Variants in NDUFS4 observed in about 807,000 individuals in gnomAD.
NDUFS4 encodes NADH:ubiquinone oxidoreductase subunit S4, also known as NADH dehydrogenase [ubiquinone] iron-sulfur protein 4, mitochondrial.
Under a neutral mutation model 24.3 loss-of-function variants are expected in NDUFS4, and 28 were observed. The observed-to-expected ratio is 1.15, with a 90% confidence interval of 0.85 to 1.58. NDUFS4 has a LOEUF of 1.58. NDUFS4 is among the 40% of genes most tolerant of loss of function. The pLI is 0.00. For missense variants in NDUFS4, 223 were observed against 207.9 expected, an observed-to-expected ratio of 1.07 and a Z score of -0.45; for synonymous variants, 93 against 69.7, an observed-to-expected ratio of 1.34 and a Z score of -1.67.
At chr5:53,627,865 C>T (rs969419010) in intron 2 of NDUFS4, among the ~76,000 whole-genome samples, 20 of 152,118 alleles carry the variant, frequency 1.3e-4, no homozygotes, top group Non-Finnish European at 1.2e-4. Flanking sequence ...TAATTGAATA[C>T]CCTTTATTTC....
At chr5:53,591,485 A>G (rs915086049) in intron 1 of NDUFS4, among the ~76,000 whole-genome samples, 1 of 138,900 alleles carries the variant, frequency 7.2e-6, no homozygotes, top group Non-Finnish European at 1.5e-5. Flanking sequence ...GATAATAACT[A>G]TCGTAATAAA....
intron 1 of NDUFS4, among the ~76,000 whole-genome samples, chr5:53,582,241 A>AAAATT (rs376384292): frequency 0.24 from 31,631 of 133,628 alleles, 4,113 homozygotes; most frequent in East Asian, 0.55. Flanking sequence ...AAAATAAAAT[A>AAAATT]AAATTAAATT....
chr5:53,670,060 A>G (rs1752621154), intron 4 of NDUFS4, among the ~76,000 whole-genome samples: 1 of 152,090 alleles, frequency 6.6e-6, no homozygotes, highest in Non-Finnish European at 1.5e-5. Context: ...GTTTATCCTG[A>G]GTTTATTAAG....
chr5:53,623,005 T>C (rs1204730666), intron 2 of NDUFS4, among the ~76,000 whole-genome samples: 3 of 152,228 alleles, frequency 2.0e-5, no homozygotes, highest in African/African-American at 7.2e-5. Context: ...TATATCACAC[T>C]TTGTTTATCC....
chr5:53,590,943 C>T (rs1486606448), intron 1 of NDUFS4, among the ~76,000 whole-genome samples: 1 of 152,190 alleles, frequency 6.6e-6, no homozygotes, highest in East Asian at 1.9e-4. Flanking sequence ...CTATTCTTCT[C>T]TCTCATAAGC....
rs543501339 is a variant in NDUFS4, at chr5:53,596,935, C to T, written c.99-6517C>T. Reference sequence around the variant, plus strand: ...ATTTTAATGTTTATAAAATCATATTCAGTTATTTATAGGGATGTTTTTAAA... The same window carrying T: ...ATTTTAATGTTTATAAAATCATATTTAGTTATTTATAGGGATGTTTTTAAA... On this transcript the variant is annotated intron_variant, in intron 1 of 4. Coordinates refer to ENST00000296684, the MANE Select transcript of NDUFS4 (RefSeq NM_002495.4). Among the ~76,000 whole-genome samples, 4 of 152,250 alleles carry T rather than the reference C, an allele frequency of 2.6e-5. No homozygotes were observed. In the South Asian group the frequency reaches 8.3e-4, roughly 32 times the overall value.
intron 3 of NDUFS4, among the ~76,000 whole-genome samples, chr5:53,654,756 A>G (rs754146642): frequency 2.0e-5 from 3 of 152,210 alleles, no homozygotes; most frequent in Admixed American, 6.5e-5. Flanking sequence ...CTCAGTGCCA[A>G]AATGTTTCAC....
chr5:53,664,972 G>T (rs905542462), intron 4 of NDUFS4, among the ~76,000 whole-genome samples: 2 of 152,068 alleles, frequency 1.3e-5, no homozygotes, highest in African/African-American at 4.8e-5. Context: ...TCTACCTTTG[G>T]TCTTTGATGA....
intron 2 of NDUFS4, among the ~76,000 whole-genome samples, chr5:53,640,828 A>G (rs1165182427): frequency 6.6e-6 from 1 of 152,104 alleles, no homozygotes; most frequent in Non-Finnish European, 1.5e-5. Context: ...TATAGTGGTT[A>G]TGGATCTCCA....
chr5:53,632,353 C>T lies in NDUFS4; in HGVS notation c.178-13880C>T, dbSNP rs571789205. ...TTGTATGGGCAGTCATAGAGTTGCT[C>T]TTCTTCTTACGTTTTACCTTTCTTG... On this transcript the variant is annotated intron_variant, in intron 2 of 4. Transcript: ENST00000296684. 6.6e-5 allele frequency among the ~76,000 whole-genome samples: 10 copies of T among 152,250 alleles called. No homozygotes were observed. In the South Asian group the frequency reaches 1.9e-3, roughly 28 times the overall value.
chr5:53,614,776 G>C (rs577522434), intron 2 of NDUFS4, among the ~76,000 whole-genome samples: 145 of 151,900 alleles, frequency 9.5e-4, no homozygotes, highest in African/African-American at 2.0e-3. Flanking sequence ...ATTGTGTATC[G>C]TACTTGACAC....
intron 2 of NDUFS4, among the ~76,000 whole-genome samples, chr5:53,606,408 T>C (rs549131): frequency 0.79 from 119,494 of 151,746 alleles, 47,209 homozygotes; most frequent in African/African-American, 0.85. Context: ...CTTTCTGTCA[T>C]CCAGGCTGGA....
chr5:53,578,705 C>A (rs1471413662), intron 1 of NDUFS4, among the ~76,000 whole-genome samples: 1 of 152,114 alleles, frequency 6.6e-6, no homozygotes, highest in East Asian at 1.9e-4. Flanking sequence ...ATAAAAAGAA[C>A]ATTATCATCA....
intron 4 of NDUFS4, among the ~76,000 whole-genome samples, chr5:53,668,318 T>G (rs1359733188): frequency 6.6e-6 from 1 of 152,196 alleles, no homozygotes; most frequent in African/African-American, 2.4e-5. Context: ...ATCTCCTTAG[T>G]TTTTTCATTT....
chr5:53,671,119 A>T (rs535237548), intron 4 of NDUFS4, among the ~76,000 whole-genome samples: 1 of 152,204 alleles, frequency 6.6e-6, no homozygotes, highest in South Asian at 2.1e-4. Flanking sequence ...TAGTATCTCT[A>T]TAAGTACACA....
intron 2 of NDUFS4, among the ~76,000 whole-genome samples, chr5:53,622,451 CAGAG>C (rs1751076825): frequency 6.6e-6 from 1 of 152,170 alleles, no homozygotes; most frequent in Non-Finnish European, 1.5e-5. Flanking sequence ...TACATGGCCA[CAGAG>C]AGAGAGAAAA....
At chr5:53,618,048 G>T (rs933109228) in intron 2 of NDUFS4, among the ~76,000 whole-genome samples, 4 of 152,156 alleles carry the variant, frequency 2.6e-5, no homozygotes, top group African/African-American at 9.7e-5. Flanking sequence ...AGGCCTAGTT[G>T]TGAGGATCAC....
At chr5:53,612,566 G>A (rs1750730409) in intron 2 of NDUFS4, among the ~76,000 whole-genome samples, 1 of 152,040 alleles carries the variant, frequency 6.6e-6, no homozygotes, top group African/African-American at 2.4e-5. Context: ...AAAATCAGGT[G>A]TGCCTGTAAA....
intron 1 of NDUFS4, among the ~76,000 whole-genome samples, chr5:53,579,764 A>G (rs578148640): frequency 2.0e-5 from 3 of 152,274 alleles, no homozygotes; most frequent in African/African-American, 4.8e-5. Flanking sequence ...AAAGTTGAGG[A>G]TCTTGAGATG....
Sources: gnomAD v4.1 joint callset for allele counts (sites outside exome capture counted in the v4.1 genomes callset) on GRCh38, gnomAD v4.1.1 for gene constraint, MANE v1.5 for transcripts, NCBI Gene and HGNC (gene_info 2026-07-23, HGNC 2026-07-21) for gene names.